The following TUBA1C variants were observed in gnomAD, a reference collection of about 807,000 sequenced individuals.
TUBA1C encodes tubulin alpha 1c.
In TUBA1C, 16 loss-of-function variants were observed where a neutral mutation model predicts 34.9. The observed-to-expected ratio is 0.46, with a 90% CI of 0.31 to 0.70. TUBA1C has a LOEUF of 0.70. TUBA1C is among the 30% of genes least tolerant of loss of function. TUBA1C has a pLI of 0.05. For synonymous variants in TUBA1C, 177 were observed against 215.9 expected, an observed-to-expected ratio of 0.82 and a Z score of 1.58; for missense variants, 329 against 587.3, an observed-to-expected ratio of 0.56 and a Z score of 4.55.
intron 1 of TUBA1C, among the ~76,000 whole-genome samples, chr12:49,237,847 A>G (rs920490460): frequency 1.3e-5 from 2 of 151,780 alleles, no homozygotes; most frequent in African/African-American, 4.8e-5. Context: ...AGTGGCTCAC[A>G]CCTGTAATCC....
intron 1 of TUBA1C, among the ~76,000 whole-genome samples, chr12:49,265,542 C>T (rs1005313326): frequency 3.3e-5 from 5 of 152,236 alleles, no homozygotes; most frequent in Admixed American, 2.6e-4. Context: ...TCTCAAGCGA[C>T]CTCTCCTTCC....
upstream of TUBA1C, among the ~76,000 whole-genome samples, chr12:49,264,219 C>CAA (rs572667018): frequency 3.3e-3 from 263 of 79,588 alleles, 1 homozygote; most frequent in African/African-American, 8.9e-3. Flanking sequence ...GACTCCGTCT[C>CAA]AAAAAAAAAA....
At chr12:49,235,149 A>G (rs1251505690) in intron 1 of TUBA1C, among the ~76,000 whole-genome samples, 1 of 152,024 alleles carries the variant, frequency 6.6e-6, no homozygotes, top group African/African-American at 2.4e-5. Context: ...GGGATTGCGT[A>G]ATCAAAAAGT....
chr12:49,265,070 G>A (rs905119372), upstream of TUBA1C: 36 of 1,385,658 alleles, frequency 2.6e-5, no homozygotes, highest in Middle Eastern at 4.3e-4. Flanking sequence ...CTTCGGGGCC[G>A]GCCACCCTTT....
intron 1 of TUBA1C, among the ~76,000 whole-genome samples, chr12:49,250,056 GGT>G (rs900487875): frequency 7.2e-5 from 11 of 152,064 alleles, no homozygotes; most frequent in Non-Finnish European, 2.9e-5. Flanking sequence ...AAATTAGCCA[GGT>G]GTGGTGGCGG....
At chr12:49,241,659 T>C (rs1942617712) in intron 1 of TUBA1C, among the ~76,000 whole-genome samples, 1 of 134,322 alleles carries the variant, frequency 7.4e-6, no homozygotes, top group African/African-American at 2.7e-5. Flanking sequence ...TCTTCCTTCC[T>C]TCCTTCCTTT....
intron 1 of TUBA1C, among the ~76,000 whole-genome samples, chr12:49,229,102 TGAA>T (rs745498494): frequency 1.3e-5 from 2 of 152,210 alleles, no homozygotes; most frequent in Non-Finnish European, 2.9e-5. Context: ...TCCCTGGACA[TGAA>T]GGAGGCGGTG....
chr12:49,232,412 T>C (rs1429499097), intron 1 of TUBA1C, among the ~76,000 whole-genome samples: 1 of 152,192 alleles, frequency 6.6e-6, no homozygotes, highest in African/African-American at 2.4e-5. Flanking sequence ...GCACTTCAGC[T>C]GTCAAGCCAC....
Position 49,273,458 on chromosome 12 carries a change from TAGCTCATTGCAGCCTCG to T in TUBA1C, c.*237_*253del. The T allele has an allele frequency of 1.5e-6, 1 of 662,208 alleles. No homozygotes were observed. Among genetic ancestry groups the T allele is most frequent in the South Asian group, 1.9e-5 (1 of 53,610 alleles). 41.0% of individuals were successfully genotyped at this position (662,208 alleles called of 1,614,324 possible). On this transcript the variant is annotated 3_prime_UTR_variant, in exon 4 of 4. Transcript: ENST00000301072. ...TGGAGTGCAGTGGCATGATAATACATAGCTCATTGCAGCCTCGAGCTCCTGGACTCATGTGATTCTCC... is the reference window on the plus strand; with the variant it reads ...TGGAGTGCAGTGGCATGATAATACATAGCTCCTGGACTCATGTGATTCTCC...
chr12:49,265,027 C>T (rs937258998), upstream of TUBA1C: 1 of 1,138,852 alleles, frequency 8.8e-7, no homozygotes, highest in Non-Finnish European at 1.1e-6. Flanking sequence ...CCCGCCCTCC[C>T]GACACGTGGC....
At chr12:49,262,399 T>TA (rs55985243), upstream of TUBA1C, among the ~76,000 whole-genome samples, 11,748 of 40,264 alleles carry the variant, frequency 0.29, 1,439 homozygotes, top group Non-Finnish European at 0.36. Context: ...AGACCCTGTG[T>TA]AAAAAAAAAA....
At chr12:49,249,770 G>A (rs1229077395) in intron 1 of TUBA1C, among the ~76,000 whole-genome samples, 1 of 151,854 alleles carries the variant, frequency 6.6e-6, no homozygotes, top group East Asian at 1.9e-4. Context: ...GGATGCTCAT[G>A]AGATAGAATT....
intron 1 of TUBA1C, among the ~76,000 whole-genome samples, chr12:49,268,105 C>A (rs1942939706): frequency 1.3e-5 from 2 of 151,936 alleles, no homozygotes; most frequent in Non-Finnish European, 2.9e-5. Flanking sequence ...GAGACACACA[C>A]ACACAGACAC....
chr12:49,233,541 T>A (rs935379157), intron 1 of TUBA1C: 3 of 152,174 alleles, frequency 2.0e-5, no homozygotes, highest in African/African-American at 2.4e-5. Context: ...CCATTCCTGA[T>A]GGGTTCCCAA....
At chr12:49,229,983 T>G (rs1942479601) in intron 1 of TUBA1C, among the ~76,000 whole-genome samples, 1 of 152,096 alleles carries the variant, frequency 6.6e-6, no homozygotes, top group Non-Finnish European at 1.5e-5. Context: ...AGACAAGGTT[T>G]CACCATGTTG....
chr12:49,256,886 G>A lies in TUBA1C; in HGVS notation c.214-12579G>A, dbSNP rs114397925. On this transcript the variant is annotated intron_variant, in intron 1 of 3. Coordinates refer to the TUBA1C transcript ENST00000541364. ...TCTATATTAATGTTCTTGGAGAGAAGACAGTAATTTAGGCCAGGAGCGGTG... is the reference window on the plus strand; with the variant it reads ...TCTATATTAATGTTCTTGGAGAGAAAACAGTAATTTAGGCCAGGAGCGGTG... Among the ~76,000 whole-genome samples, 279 of 152,182 alleles carry A rather than the reference G, an allele frequency of 1.8e-3. 1 individual carries two copies. Among genetic ancestry groups the A allele is most frequent in the African/African-American group, 6.4e-3 (264 of 41,540 alleles).
chr12:49,265,524 C>T (rs772574444), intron 1 of TUBA1C, among the ~76,000 whole-genome samples: 6 of 152,224 alleles, frequency 3.9e-5, no homozygotes, highest in Non-Finnish European at 8.8e-5. Flanking sequence ...AAATCCCTCC[C>T]CACGTTTTCT....
chr12:49,270,092 G>A (rs767324278), intron 3 of TUBA1C, 116 bp downstream of exon 3: 1 of 1,582,334 alleles, frequency 6.3e-7, no homozygotes, highest in Admixed American at 1.7e-5. Flanking sequence ...CAACTAAAAT[G>A]TATCTGTTCA....
chr12:49,270,978 CA>C, intron 3 of TUBA1C, among the ~76,000 whole-genome samples: 1 of 151,548 alleles, frequency 6.6e-6, no homozygotes, highest in Admixed American at 6.6e-5. Context: ...GACTCCATCT[CA>C]AAAAAACAAA....
Sources: gnomAD v4.1 joint callset for allele counts (sites outside exome capture counted in the v4.1 genomes callset) on GRCh38, gnomAD v4.1.1 for gene constraint, MANE v1.5 for transcripts, NCBI Gene and HGNC (gene_info 2026-07-23, HGNC 2026-07-21) for gene names.